Variants in MTUS1 observed in about 807,000 individuals in gnomAD.
MTUS1 encodes the protein microtubule associated scaffold protein 1.
In MTUS1, 109 loss-of-function variants were observed where a neutral mutation model predicts 120.8. That is an observed-to-expected ratio of 0.90 (90% confidence interval 0.77 to 1.06). MTUS1 has a LOEUF of 1.06. MTUS1 is among the 50% of genes least tolerant of loss of function. The probability of loss-of-function intolerance (pLI) is 0.00; values close to 1 mark genes in which losing one functional copy is unlikely to be tolerated. For synonymous variants in MTUS1, 737 were observed against 550.5 expected, an observed-to-expected ratio of 1.34 and a Z score of -4.74; for missense variants, 2,210 against 1,486.3, an observed-to-expected ratio of 1.49 and a Z score of -8.01.
chr8:17,654,281 G>T, intron 10 of MTUS1: 1 of 455,044 alleles, frequency 2.2e-6, no homozygotes, highest in Non-Finnish European at 3.9e-6. Context: ...CCACTTCCCA[G>T]GGACCTAAGC....
intron 10 of MTUS1, chr8:17,654,002 G>T: frequency 6.3e-6 from 1 of 158,294 alleles, no homozygotes; most frequent in South Asian, 2.0e-4. Flanking sequence ...TGGTGAGAAA[G>T]TCCTTGCTGA....
At chr8:17,751,835 C>T (rs1260635469) in intron 2 of MTUS1, among the ~76,000 whole-genome samples, 1 of 123,382 alleles carries the variant, frequency 8.1e-6, no homozygotes, top group Non-Finnish European at 1.6e-5. Context: ...TCCAGCCTGG[C>T]GAAAGAGCAA....
chr8:17,793,603 C>T (rs1314071402), intron 1 of MTUS1, among the ~76,000 whole-genome samples: 1 of 152,116 alleles, frequency 6.6e-6, no homozygotes, highest in Non-Finnish European at 1.5e-5. Flanking sequence ...TAGACCCTAT[C>T]CTTAAGGAGC....
At chr8:17,798,574 C>T (rs576243521) in intron 1 of MTUS1, among the ~76,000 whole-genome samples, 1 of 152,294 alleles carries the variant, frequency 6.6e-6, no homozygotes, top group East Asian at 1.9e-4. Flanking sequence ...CCTCCTGATC[C>T]GCCCGCCTTG....
At chr8:17,783,224 C>A (rs2051031021) in intron 1 of MTUS1, among the ~76,000 whole-genome samples, 1 of 152,208 alleles carries the variant, frequency 6.6e-6, no homozygotes, top group African/African-American at 2.4e-5. Context: ...CTAGCTCTGA[C>A]AATAAGCACC....
intron 1 of MTUS1, among the ~76,000 whole-genome samples, chr8:17,769,905 CA>C: frequency 8.1e-6 from 1 of 123,728 alleles, no homozygotes; most frequent in South Asian, 4.1e-4. Context: ...CACACACACA[CA>C]CACACACACA....
intron 8 of MTUS1, among the ~76,000 whole-genome samples, chr8:17,670,822 TAAAA>T (rs540891587): frequency 1.3e-5 from 2 of 148,978 alleles, no homozygotes; most frequent in African/African-American, 5.0e-5. Context: ...ACCCTGTCTT[TAAAA>T]AAAAAAGATT....
intron 8 of MTUS1, among the ~76,000 whole-genome samples, chr8:17,674,134 T>A (rs1030887776): frequency 2.0e-5 from 3 of 151,702 alleles, no homozygotes; most frequent in African/African-American, 7.3e-5. Context: ...AAGATACGAG[T>A]TGACGTAGAA....
chr8:17,714,048 T>A (rs563812569), intron 5 of MTUS1, among the ~76,000 whole-genome samples: 67 of 152,306 alleles, frequency 4.4e-4, no homozygotes, highest in African/African-American at 1.6e-3. Flanking sequence ...GTATCAAAGT[T>A]CAACAGCGTT....
In MTUS1 at chr8:17,754,154, C is replaced by T. The variant is rs1563326505; in HGVS notation, c.1654G>A (p.Val552Ile). 6.2e-7 allele frequency: 1 copy of T among 1,613,470 alleles called. No individual in the cohort carries two copies. Among genetic ancestry groups the T allele is most frequent in the African/African-American group, 1.3e-5 (1 of 74,854 alleles). ...PSSVNSRQQT[V>I]LSRTPRSDLN... ...TCAGATCTCGGTGTTCTGCTCAAGA[C>T]TGTTTGTTGTCTTGAATTCACTGAT... The change falls in exon 2 of 15, where the codon GTC becomes ATC. Residue 552 changes from valine to isoleucine, a missense_variant. Coordinates refer to ENST00000693296, the MANE Select transcript of MTUS1 (RefSeq NM_001363059.2).
intron 1 of MTUS1, among the ~76,000 whole-genome samples, chr8:17,756,765 G>C (rs749188113): frequency 7.0e-4 from 103 of 147,474 alleles, no homozygotes; most frequent in Non-Finnish European, 1.2e-3. Flanking sequence ...TGATCCAACA[G>C]AGCTGGTGCC....
At chr8:17,741,032 AT>A (rs566605178) in intron 3 of MTUS1, among the ~76,000 whole-genome samples, 1 of 149,220 alleles carries the variant, frequency 6.7e-6, no homozygotes, top group Non-Finnish European at 1.5e-5. Context: ...CCCTTGGCTA[AT>A]TTTTTTTTTG....
intron 5 of MTUS1, among the ~76,000 whole-genome samples, chr8:17,714,480 C>G (rs188420719): frequency 3.9e-5 from 6 of 152,244 alleles, no homozygotes; most frequent in African/African-American, 1.4e-4. Context: ...GAATCTGAAA[C>G]AATGAATCTT....
At chr8:17,699,814 A>C (rs1404494597) in intron 6 of MTUS1, among the ~76,000 whole-genome samples, 1 of 152,186 alleles carries the variant, frequency 6.6e-6, no homozygotes, top group African/African-American at 2.4e-5. Context: ...ATCGCTTACA[A>C]TCTACTGCTC....
chr8:17,785,774 C>A (rs1457054078), intron 1 of MTUS1, among the ~76,000 whole-genome samples: 2 of 152,128 alleles, frequency 1.3e-5, no homozygotes, highest in East Asian at 1.9e-4. Flanking sequence ...CAGTTTCTCA[C>A]CTCTGCAAAG....
chr8:17,679,058 C>T (rs949194731), intron 7 of MTUS1, among the ~76,000 whole-genome samples: 3 of 152,126 alleles, frequency 2.0e-5, no homozygotes, highest in African/African-American at 7.2e-5. Flanking sequence ...AATATGTCTG[C>T]CACTACAGTG....
At chr8:17,661,773 A>G (rs1057218255) in intron 8 of MTUS1, among the ~76,000 whole-genome samples, 1 of 152,178 alleles carries the variant, frequency 6.6e-6, no homozygotes, top group Non-Finnish European at 1.5e-5. Flanking sequence ...CTGTTATTGT[A>G]ATAGTCCAAA....
chr8:17,763,578 CT>C (rs904229838), intron 1 of MTUS1, among the ~76,000 whole-genome samples: 1 of 152,034 alleles, frequency 6.6e-6, no homozygotes, highest in Admixed American at 6.6e-5. Context: ...GGCCCGACCT[CT>C]TTTTTTCTCT....
chr8:17,696,305 T>C (rs1000556204), intron 6 of MTUS1, among the ~76,000 whole-genome samples: 9 of 151,206 alleles, frequency 6.0e-5, no homozygotes, highest in Non-Finnish European at 1.3e-4. Flanking sequence ...GAGATGCCTC[T>C]GGGAAAACTA....
Sources: gnomAD v4.1 joint callset for allele counts (sites outside exome capture counted in the v4.1 genomes callset) on GRCh38, gnomAD v4.1.1 for gene constraint, MANE v1.5 for transcripts, NCBI Gene and HGNC (gene_info 2026-07-23, HGNC 2026-07-21) for gene names.